Variants in EPHA5 observed in about 807,000 individuals in gnomAD.
EPHA5 encodes EPH receptor A5.
Under a neutral mutation model 105.0 loss-of-function variants are expected in EPHA5, and 60 were observed. The observed-to-expected ratio is 0.57, with a 90% CI of 0.46 to 0.71. The LOEUF (loss-of-function observed/expected upper bound fraction) is 0.71, where lower values mean the gene tolerates loss of function less well. Among genes scored for constraint, EPHA5 ranks in the 30% least tolerant of loss-of-function variants. The pLI is 0.00. For synonymous variants in EPHA5, 513 were observed against 449.1 expected, an observed-to-expected ratio of 1.14 and a Z score of -1.80; for missense variants, 1,218 against 1,274.7, an observed-to-expected ratio of 0.96 and a Z score of 0.68.
intron 8 of EPHA5, among the ~76,000 whole-genome samples, chr4:65,387,344 G>T (rs1720204030): frequency 6.6e-6 from 1 of 151,850 alleles, no homozygotes; most frequent in Admixed American, 6.6e-5. Context: ...GGAACAAATG[G>T]GCTAAACTGT....
At chr4:65,417,089 C>A (rs957507098) in intron 6 of EPHA5, among the ~76,000 whole-genome samples, 1 of 152,222 alleles carries the variant, frequency 6.6e-6, no homozygotes, top group African/African-American at 2.4e-5. Context: ...AAGGAGCCAG[C>A]TGGCAAACAC....
At chr4:65,502,077 AT>A (rs1732544313) in intron 3 of EPHA5, among the ~76,000 whole-genome samples, 1 of 151,560 alleles carries the variant, frequency 6.6e-6, no homozygotes, top group African/African-American at 2.4e-5. Context: ...AAACCCCTAC[AT>A]TTTACTATGT....
intron 1 of EPHA5, among the ~76,000 whole-genome samples, chr4:65,656,035 A>G (rs1466428099): frequency 6.6e-6 from 1 of 151,760 alleles, no homozygotes; most frequent in East Asian, 1.9e-4. Flanking sequence ...AAAGGGAGAC[A>G]AGAAAACAGC....
intron 1 of EPHA5, among the ~76,000 whole-genome samples, chr4:65,648,769 T>G (rs1430152391): frequency 6.6e-6 from 1 of 152,212 alleles, no homozygotes; most frequent in Non-Finnish European, 1.5e-5. Flanking sequence ...AACACACATT[T>G]AACTAATCTG....
chr4:65,601,613 C>T (rs756015713), intron 3 of EPHA5, 28 bp downstream of exon 3: 15 of 1,599,300 alleles, frequency 9.4e-6, no homozygotes, highest in Non-Finnish European at 1.3e-5. Flanking sequence ...AGCAGACAGC[C>T]CCTGCAGATC....
intron 3 of EPHA5, among the ~76,000 whole-genome samples, chr4:65,556,313 A>G (rs568674160): frequency 3.6e-4 from 55 of 152,274 alleles, no homozygotes; most frequent in Non-Finnish European, 6.9e-4. Context: ...GGGCTTAGCC[A>G]GGGGCAATTC....
intron 5 of EPHA5, among the ~76,000 whole-genome samples, chr4:65,462,346 T>C (rs759044288): frequency 5.3e-5 from 8 of 152,204 alleles, no homozygotes; most frequent in Non-Finnish European, 1.2e-4. Flanking sequence ...ATTTTGCAAG[T>C]ATACCATGAT....
intron 8 of EPHA5, among the ~76,000 whole-genome samples, chr4:65,388,682 T>C (rs1306844296): frequency 6.9e-6 from 1 of 145,402 alleles, no homozygotes; most frequent in Non-Finnish European, 1.5e-5. Context: ...TCTTGTAAAT[T>C]TGTTGGAGTT....
chr4:65,548,882 T>C (rs1261392250), intron 3 of EPHA5, among the ~76,000 whole-genome samples: 1 of 152,158 alleles, frequency 6.6e-6, no homozygotes, highest in Non-Finnish European at 1.5e-5. Flanking sequence ...TTCATCACTA[T>C]GTGGAAATTG....
Position 65,390,873 on chromosome 4 carries a change from C to A in EPHA5, c.1793+13501G>T, listed in dbSNP as rs149072093. ...GAGAAACAAGGAGTAAGAGACAGTA[C>A]GGGAATTTTGGTAAGCAAAATAATT... On this transcript the variant is annotated intron_variant, in intron 8 of 16. Transcript: ENST00000613740. 1.7e-3 allele frequency among the ~76,000 whole-genome samples: 262 copies of A among 152,002 alleles called. 1 individual carries two copies. The highest frequency in any genetic ancestry group is 5.9e-3 in the African/African-American group (243 of 41,478).
At chr4:65,503,520 A>G (rs575820624) in intron 3 of EPHA5, among the ~76,000 whole-genome samples, 2 of 151,960 alleles carry the variant, frequency 1.3e-5, no homozygotes, top group East Asian at 3.9e-4. Context: ...ATTACATAAG[A>G]AAAGGACAGG....
intron 5 of EPHA5, among the ~76,000 whole-genome samples, chr4:65,460,314 ACTGT>A (rs2149128835): frequency 6.6e-6 from 1 of 151,614 alleles, no homozygotes; most frequent in African/African-American, 2.4e-5. Flanking sequence ...TGTGAATTTA[ACTGT>A]CTGAATGAAG....
At chr4:65,493,514 G>A (rs950808221) in intron 4 of EPHA5, among the ~76,000 whole-genome samples, 4 of 151,872 alleles carry the variant, frequency 2.6e-5, no homozygotes, top group Non-Finnish European at 5.9e-5. Context: ...CAGTATTTGT[G>A]GTATTATGAA....
chr4:65,401,710 T>C (rs17086185), intron 8 of EPHA5, among the ~76,000 whole-genome samples: 10,681 of 152,116 alleles, frequency 0.07, 592 homozygotes, highest in African/African-American at 0.15. Context: ...GATGTTGCTG[T>C]TTTTAAAAGT....
At chr4:65,492,988 G>GTTTTT (rs5858963) in intron 4 of EPHA5, among the ~76,000 whole-genome samples, 4 of 149,102 alleles carry the variant, frequency 2.7e-5, no homozygotes, top group African/African-American at 7.4e-5. Flanking sequence ...GTTTTGTTTT[G>GTTTTT]TTTTGTTTTT....
At chr4:65,330,868 C>A in intron 16 of EPHA5, 1 of 1,034,796 alleles carries the variant, frequency 9.7e-7, no homozygotes, top group Non-Finnish European at 1.2e-6. Context: ...ATTTAGAAAG[C>A]AAGCTGAGTG....
intron 2 of EPHA5, among the ~76,000 whole-genome samples, chr4:65,641,477 A>C (rs1747661769): frequency 6.6e-6 from 1 of 152,150 alleles, no homozygotes; most frequent in Non-Finnish European, 1.5e-5. Flanking sequence ...TCTATATTTC[A>C]CCTACGATTA....
chr4:65,629,859 T>C (rs371343588), intron 2 of EPHA5, among the ~76,000 whole-genome samples: 2 of 152,184 alleles, frequency 1.3e-5, no homozygotes, highest in Non-Finnish European at 2.9e-5. Flanking sequence ...TTACAATATT[T>C]CATTGTGGAA....
Position 65,360,479 on chromosome 4 carries a change from C to T in EPHA5, c.2173+4538G>A, listed in dbSNP as rs959107103. Among the ~76,000 whole-genome samples the T allele has an allele frequency of 2.0e-5, 3 of 151,696 alleles. No homozygotes were observed. The East Asian group carries it at 5.8e-4, about 30-fold the overall frequency. ...TTTAAAATCTGACATTATTCCCATGCTAGTTTTATGATATTGGATAAGGTA... is the reference window on the plus strand; with the variant it reads ...TTTAAAATCTGACATTATTCCCATGTTAGTTTTATGATATTGGATAAGGTA... On this transcript the variant is annotated intron_variant, in intron 11 of 16. Coordinates refer to ENST00000613740, the MANE Select transcript of EPHA5 (RefSeq NM_001281766.3).
Sources: gnomAD v4.1 joint callset for allele counts (sites outside exome capture counted in the v4.1 genomes callset) on GRCh38, gnomAD v4.1.1 for gene constraint, MANE v1.5 for transcripts, NCBI Gene and HGNC (gene_info 2026-07-23, HGNC 2026-07-21) for gene names.